The following TMEM8B variants were observed in gnomAD, a reference collection of about 807,000 sequenced individuals.
TMEM8B encodes nasopharyngeal carcinoma expressed 6.
In TMEM8B, 29 loss-of-function variants were observed where a neutral mutation model predicts 49.3. That is an observed-to-expected ratio of 0.59 (90% confidence interval 0.44 to 0.80). TMEM8B has a LOEUF of 0.80. Ranked by LOEUF, TMEM8B falls within the 30% of genes least tolerant of loss-of-function variation. TMEM8B has a pLI of 0.00. For synonymous variants in TMEM8B, 264 were observed against 272.8 expected (o/e 0.97, Z 0.32); for missense variants, 575 against 658.5 (o/e 0.87, Z 1.39).
At chr9:35,845,440 C>T in intron 6 of TMEM8B, 1 of 985,432 alleles carries the variant, frequency 1.0e-6, no homozygotes, top group Non-Finnish European at 1.2e-6. Flanking sequence ...TTTACTCTTG[C>T]AGATATCTGG....
At chr9:35,845,460 A>G in intron 6 of TMEM8B, 1 of 985,308 alleles carries the variant, frequency 1.0e-6, no homozygotes, top group African/African-American at 1.7e-5. Flanking sequence ...GTTTCTTTTA[A>G]TCCCAGCCAG....
intron 6 of TMEM8B, chr9:35,845,446 T>G: frequency 1.0e-6 from 1 of 985,462 alleles, no homozygotes; most frequent in Non-Finnish European, 1.2e-6. Flanking sequence ...CTTGCAGATA[T>G]CTGGTTTCTT....
rs551656551 is a variant in TMEM8B at position 35,849,598 on chromosome 9, A to C, written c.2175+2603A>C. On this transcript the variant is annotated intron_variant, in intron 10 of 12. Coordinates refer to ENST00000643932, the MANE Select transcript of TMEM8B (RefSeq NM_001042590.4). Reference sequence around the variant, plus strand: ...GAGTATCTACCTTAGAATCTGGGTGAGCCTGACTCCAGATCCCTCACATGT... The same window carrying C: ...GAGTATCTACCTTAGAATCTGGGTGCGCCTGACTCCAGATCCCTCACATGT... Among the ~76,000 whole-genome samples the C allele has an allele frequency of 2.7e-4, 41 of 152,330 alleles. No homozygotes were observed. The South Asian group carries it at 5.4e-3, about 20-fold the overall frequency.
rs1204258114 is a variant in TMEM8B at position 35,861,861 on chromosome 9, G to T, written c.*8021G>T. The T allele has an allele frequency of 6.6e-6, 1 of 152,148 alleles. No homozygotes were observed. The highest frequency in any genetic ancestry group is 1.5e-5 in the Non-Finnish European group (1 of 68,064). 9.4% of individuals were successfully genotyped at this position (152,148 alleles called of 1,614,324 possible). A position where few individuals can be genotyped will look rare whatever the true frequency, so the allele number is the denominator to read the frequency against. ...CTATACTAGCCACCTCCTGGACAAG[G>T]GCTCCAGTGTCCTCCATGACACCAG... On this transcript the variant is annotated 3_prime_UTR_variant, in exon 13 of 13. Coordinates refer to ENST00000643932, the MANE Select transcript of TMEM8B (RefSeq NM_001042590.4).
rs1342189365 is a variant in TMEM8B at position 35,855,993 on chromosome 9, C to T, written c.*2153C>T. 6.6e-6 allele frequency: 1 copy of T among 152,144 alleles called. No individual in the cohort carries two copies. The highest frequency in any genetic ancestry group is 1.5e-5 in the Non-Finnish European group (1 of 68,048). The allele number at this position is 152,144 out of a possible 1,614,324, so 9.4% of individuals were successfully genotyped here. On this transcript the variant is annotated 3_prime_UTR_variant, in exon 13 of 13. Coordinates refer to ENST00000643932, the MANE Select transcript of TMEM8B (RefSeq NM_001042590.4). The stretch of plus-strand genomic sequence containing the variant: ...GAACCCAAATAGCTGGGATTCTGGA[C>T]AGAGTCAGCAGAGTACAGAAGGCTC...
In TMEM8B at chr9:35,842,338, A is replaced by G; in HGVS notation, c.1310-54A>G. The stretch of plus-strand genomic sequence containing the variant: ...TCTAGCTCAGATGTGTTTATGAGTA[A>G]GTTCAGGACTGTAAAGGCTGCAGGC... On this transcript the variant is annotated intron_variant, in intron 5 of 12. Transcript: ENST00000643932. The surrounding 1 kb of genome is among the most constrained non-coding windows in gnomAD (Gnocchi z 5.6). 1.5e-6 allele frequency: 2 copies of G among 1,319,142 alleles called. No individual in the cohort carries two copies. The highest frequency in any genetic ancestry group is 2.0e-6 in the Non-Finnish European group (2 of 985,906). 81.7% of individuals were successfully genotyped at this position (1,319,142 alleles called of 1,614,324 possible). A position where few individuals can be genotyped will look rare whatever the true frequency, so the allele number is the denominator to read the frequency against.
chr9:35,839,077 A>C (rs1830716106), intron 3 of TMEM8B, among the ~76,000 whole-genome samples: 1 of 152,208 alleles, frequency 6.6e-6, no homozygotes, highest in Non-Finnish European at 1.5e-5. Flanking sequence ...TCAGCTGTGC[A>C]CTTGCTATTC....
Position 35,854,888 on chromosome 9 carries a change from A to G in TMEM8B, c.*1048A>G, listed in dbSNP as rs1236019491. The G allele has an allele frequency of 6.6e-6, 1 of 152,104 alleles. No individual in the cohort carries two copies. The highest frequency in any genetic ancestry group is 2.4e-5 in the African/African-American group (1 of 41,394). The allele number at this position is 152,104 out of a possible 1,614,324, so 9.4% of individuals were successfully genotyped here. On this transcript the variant is annotated 3_prime_UTR_variant, in exon 13 of 13. Coordinates refer to ENST00000643932, the MANE Select transcript of TMEM8B (RefSeq NM_001042590.4). ...AGAAAAGATCATTTGTCCATTTGGG[A>G]TTCCTTCTCTTTCCATGAGGGTCAT... is the stretch of plus-strand genomic sequence containing the variant.
chr9:35,837,857 C>T (rs1830589061), intron 3 of TMEM8B, among the ~76,000 whole-genome samples: 1 of 152,084 alleles, frequency 6.6e-6, no homozygotes, highest in South Asian at 2.1e-4. Flanking sequence ...GCCCAGTTGC[C>T]AGTCTGCTCT....
In TMEM8B at chr9:35,854,075, GCA is replaced by G; in HGVS notation, c.*238_*239del. The G allele has an allele frequency of 1.6e-6, 2 of 1,241,106 alleles. No individual in the cohort carries two copies. Among genetic ancestry groups the G allele is most frequent in the Non-Finnish European group, 1.0e-6 (1 of 988,850 alleles). 76.9% of individuals were successfully genotyped at this position (1,241,106 alleles called of 1,614,324 possible). On this transcript the variant is annotated 3_prime_UTR_variant, in exon 13 of 13. Coordinates refer to ENST00000643932, the MANE Select transcript of TMEM8B (RefSeq NM_001042590.4). ...TTCTTAAGGACTGGAGCCTATGCAG[GCA>G]CAGAGTCCCTCAGGACCAAGGAGTC...
Position 35,834,443 on chromosome 9 carries a change from C to G in TMEM8B, c.509-18C>G, listed in dbSNP as rs1024242424. The G allele has an allele frequency of 4.8e-6, 2 of 414,614 alleles. No individual in the cohort carries two copies. The highest frequency in any genetic ancestry group is 8.8e-6 in the Non-Finnish European group (2 of 226,568). The allele number at this position is 414,614 out of a possible 1,614,324, so 25.7% of individuals were successfully genotyped here. A position where few individuals can be genotyped will look rare whatever the true frequency, so the allele number is the denominator to read the frequency against. ...CCTCTGTCCTGCCCTGCTCCTTTCT[C>G]TCTCTCCTGCTTCCCAGGAGGCCTT... On this transcript the variant is annotated intron_variant, in intron 1 of 12. Coordinates refer to ENST00000643932, the MANE Select transcript of TMEM8B (RefSeq NM_001042590.4).
At chr9:35,847,355 G>A in intron 10 of TMEM8B, 3 of 601,900 alleles carry the variant, frequency 5.0e-6, no homozygotes, top group Non-Finnish European at 5.9e-6. Context: ...CTGTATGGGG[G>A]CAGGAAATCT....
chr9:35,841,571 G>A lies in TMEM8B; in HGVS notation c.1086G>A (p.Val362=), dbSNP rs1830989813. ...CTTACAGGGTTTCAGCACAGCTGGT[G>A]TGTGTGGGGGGCCGTGGGGTATCTG... ...SFTYRVSAQL[V]CVGGRGVSAC... Residue 362 remains valine, a synonymous_variant, in exon 5 of 13, where the codon GTG becomes GTA. Coordinates refer to ENST00000643932, the MANE Select transcript of TMEM8B (RefSeq NM_001042590.4). This position sits in a 1 kb window ranked among gnomAD's most constrained non-coding sequence, Gnocchi z 5.9. 1 of 416,856 alleles carries A rather than the reference G, an allele frequency of 2.4e-6. No homozygotes were observed. The highest frequency in any genetic ancestry group is 4.4e-6 in the Non-Finnish European group (1 of 227,100). 25.8% of individuals were successfully genotyped at this position (416,856 alleles called of 1,614,324 possible).
At position 35,842,847 on chromosome 9, in the gene TMEM8B, G is replaced by T; in HGVS notation, c.1635+130G>T. On this transcript the variant is annotated intron_variant, in intron 6 of 12. Coordinates refer to ENST00000643932, the MANE Select transcript of TMEM8B (RefSeq NM_001042590.4). This position sits in a 1 kb window ranked among gnomAD's most constrained non-coding sequence, Gnocchi z 5.6. ...GCTCCCACCCATCCTGACAATTAGG[G>T]ACCATGGCTCAGCCCAATTCTGGTC... The T allele has an allele frequency of 1.0e-6, 1 of 954,302 alleles. No homozygotes were observed. The highest frequency in any genetic ancestry group is 1.8e-5 in the South Asian group (1 of 56,390). 59.1% of individuals were successfully genotyped at this position (954,302 alleles called of 1,614,324 possible).
At chr9:35,838,304 C>G (rs1298058568) in intron 3 of TMEM8B, among the ~76,000 whole-genome samples, 1 of 152,144 alleles carries the variant, frequency 6.6e-6, no homozygotes, top group Non-Finnish European at 1.5e-5. Context: ...TAGCTGTTAA[C>G]TAGTCCCCTA....
At position 35,852,954 on chromosome 9, in the gene TMEM8B, T is replaced by A; in HGVS notation, c.2303T>A (p.Leu768Ter). ...GTCACTGTCATTGCCATGGCTCGTT[T>A]ACAGCCCGTGGTCAAGCAGGTCAGT... is the stretch of plus-strand genomic sequence containing the variant. ...VWVTVIAMARLQPVVKQVLYL... is the reference protein window; with the variant it reads ...VWVTVIAMAR Residue 768 changes from leucine (L) to a stop codon, truncating the protein, a stop_gained, in exon 11 of 13, where the codon TTA becomes TAA. Transcript: ENST00000643932. LOFTEE classifies it high-confidence loss of function. 6.2e-7 allele frequency: 1 copy of A among 1,614,198 alleles called. No homozygotes were observed. Among genetic ancestry groups the A allele is most frequent in the Non-Finnish European group, 8.5e-7 (1 of 1,180,028 alleles).
chr9:35,834,990 C>T, intron 2 of TMEM8B, 21 bp from the exon 3 acceptor site: 1 of 415,814 alleles, frequency 2.4e-6, no homozygotes. Context: ...CTTTCCTCCT[C>T]TCCTAATTCT....
chr9:35,850,815 T>C (rs1000307321), intron 10 of TMEM8B, among the ~76,000 whole-genome samples: 2 of 152,222 alleles, frequency 1.3e-5, no homozygotes, highest in Admixed American at 1.3e-4. Flanking sequence ...GGTATTTCTT[T>C]CTATATACTT....
intron 10 of TMEM8B, among the ~76,000 whole-genome samples, chr9:35,847,944 T>C (rs561146391): frequency 1.3e-5 from 2 of 152,366 alleles, no homozygotes; most frequent in Admixed American, 6.5e-5. Flanking sequence ...CTCTAGGCTC[T>C]TGGCACCATG....
Sources: allele counts gnomAD v4.1 joint callset (sites outside exome capture counted in the v4.1 genomes callset), GRCh38; gene constraint gnomAD v4.1.1; non-coding constraint Gnocchi (gnomAD v3.1); transcripts MANE v1.5; gene names NCBI Gene and HGNC (gene_info 2026-07-23, HGNC 2026-07-21).